MBTPS1: variants seen among roughly 807,000 people sequenced by gnomAD.
The protein encoded by MBTPS1 is membrane-bound transcription factor site-1 protease.
MBTPS1 carries 94 observed loss-of-function variants against 127.8 expected under a neutral mutation model. That is an observed-to-expected ratio of 0.74 (90% CI 0.62 to 0.87). The LOEUF (loss-of-function observed/expected upper bound fraction) is 0.87. MBTPS1 is among the 40% of genes least tolerant of loss of function. MBTPS1 has a pLI of 0.00. For missense variants in MBTPS1, 1,636 were observed against 1,353.2 expected (o/e 1.21, Z -3.28); for synonymous variants, 632 against 509.4 (o/e 1.24, Z -3.24).
intron 21 of MBTPS1, chr16:84,057,146 AAG>A (rs904404242): frequency 2.6e-5 from 4 of 152,366 alleles, no homozygotes; most frequent in African/African-American, 7.2e-5. Flanking sequence ...CTAGGCAGGC[AAG>A]AGAGAGACTC....
chr16:84,099,376 T>C (rs1184010907), intron 2 of MBTPS1, 66 bp from the exon 3 acceptor site: 3 of 1,492,184 alleles, frequency 2.0e-6, no homozygotes, highest in Non-Finnish European at 2.7e-6. Context: ...TACTATATTG[T>C]ATCTAATCTA....
At chr16:84,055,919 T>C in intron 22 of MBTPS1, 86 bp downstream of exon 22, 1 of 1,423,976 alleles carries the variant, frequency 7.0e-7, no homozygotes, top group Non-Finnish European at 9.4e-7. Context: ...AGGGAGAGTC[T>C]GGCCCGCCTC....
intron 10 of MBTPS1, among the ~76,000 whole-genome samples, chr16:84,084,417 G>C (rs1409281153): frequency 1.3e-5 from 2 of 152,188 alleles, no homozygotes; most frequent in Non-Finnish European, 2.9e-5. Flanking sequence ...TAAAAGGTGA[G>C]TCCCCTTCAC....
intron 2 of MBTPS1, among the ~76,000 whole-genome samples, chr16:84,100,999 C>CGA (rs1284005140): frequency 1.5e-5 from 1 of 68,568 alleles, no homozygotes. Flanking sequence ...ACTAAAAATA[C>CGA]AAAAAAAAAA....
chr16:84,077,917 C>G (rs2085885043), intron 11 of MBTPS1, among the ~76,000 whole-genome samples: 1 of 146,746 alleles, frequency 6.8e-6, no homozygotes, highest in South Asian at 2.2e-4. Flanking sequence ...AATGAACAGA[C>G]AATTCACAAG....
At chr16:84,060,542 T>C (rs1184030626) in intron 20 of MBTPS1, 140 bp downstream of exon 20, 3 of 920,438 alleles carry the variant, frequency 3.3e-6, no homozygotes, top group Non-Finnish European at 4.9e-6. Flanking sequence ...AGTGCTGCTC[T>C]ACCCGCAGCC....
intron 3 of MBTPS1, among the ~76,000 whole-genome samples, 164 bp downstream of exon 3, chr16:84,098,889 C>A (rs1223978492): frequency 6.6e-6 from 1 of 152,002 alleles, no homozygotes; most frequent in African/African-American, 2.4e-5. Context: ...ACCCTGCGCA[C>A]TAAACAAAAC....
intron 9 of MBTPS1, 54 bp from the exon 10 acceptor site, chr16:84,085,188 A>G: frequency 6.4e-7 from 1 of 1,556,488 alleles, no homozygotes; most frequent in South Asian, 1.1e-5. Flanking sequence ...ATACAGCCGC[A>G]TGCAATCATG....
At chr16:84,074,869 G>C (rs767864793) in intron 11 of MBTPS1, 128 bp from the exon 12 acceptor site, 1 of 790,408 alleles carries the variant, frequency 1.3e-6, no homozygotes, top group East Asian at 2.8e-5. Flanking sequence ...CGCTGCCCTA[G>C]GCTGGCATCT....
chr16:84,100,940 G>C (rs2086244690), intron 2 of MBTPS1, among the ~76,000 whole-genome samples: 1 of 149,214 alleles, frequency 6.7e-6, no homozygotes, highest in Non-Finnish European at 1.5e-5. Flanking sequence ...GATCACTTGA[G>C]GTCAGGAGTT....
chr16:84,065,914 T>A (rs946212472), intron 17 of MBTPS1, 147 bp from the exon 18 acceptor site: 7 of 522,230 alleles, frequency 1.3e-5, no homozygotes, highest in African/African-American at 2.0e-5. Flanking sequence ...TGCTATTGCC[T>A]TGTCACACAT....
intron 12 of MBTPS1, among the ~76,000 whole-genome samples, chr16:84,073,040 C>T (rs190703769): frequency 1.3e-5 from 2 of 152,184 alleles, no homozygotes; most frequent in Non-Finnish European, 2.9e-5. Context: ...TTGAAAACTA[C>T]CTAACAGTTC....
chr16:84,110,944 G>A (rs1232615404), intron 1 of MBTPS1: 1 of 152,248 alleles, frequency 6.6e-6, no homozygotes, highest in East Asian at 1.9e-4. Flanking sequence ...GCATAAACAA[G>A]GAGACTGGCT....
Position 84,056,076 on chromosome 16 carries a change from T to G in MBTPS1, c.2891A>C (p.Asn964Thr), listed in dbSNP as rs144657994. The G allele has an allele frequency of 1.2e-6, 2 of 1,613,950 alleles. No homozygotes were observed. ...SIDLDKVVLPNFRSNRPQVRP... is the reference protein window; with the variant it reads ...SIDLDKVVLPTFRSNRPQVRP... ...CACTTGAGGGCGATTCGATCGAAAG[T>G]TGGGTAACACCACCTTGTCCAGGTC... The change falls in exon 22 of 23, where the codon AAC becomes ACC. Residue 964 changes from asparagine (N) to threonine (T), a missense_variant. Transcript: ENST00000343411.
chr16:84,087,864 A>G (rs755308956), intron 8 of MBTPS1, among the ~76,000 whole-genome samples: 1 of 152,202 alleles, frequency 6.6e-6, no homozygotes, highest in African/African-American at 2.4e-5. Context: ...TTCCCAGCAC[A>G]TTCATCTTAA....
rs1474140456 is a variant in MBTPS1 at position 84,101,732 on chromosome 16, TCC to T, written c.50_51del (p.Gly17GlufsTer14). 1 of 1,614,052 alleles carries T rather than the reference TCC, an allele frequency of 6.2e-7. No homozygotes were observed. Among genetic ancestry groups the T allele is most frequent in the Non-Finnish European group, 8.5e-7 (1 of 1,180,024 alleles). ...WLLLLVVLLC[G>X]KKHLGDRLEK... ...TCCAGTCTGTCGCCCAGATGTTTCT[TCC>T]CACAGAGCAAAACCACGAGCAGAAG... On this transcript the variant is annotated frameshift_variant, in exon 2 of 23. Coordinates refer to ENST00000343411, the MANE Select transcript of MBTPS1 (RefSeq NM_003791.4). LOFTEE classifies it high-confidence loss of function.
intron 12 of MBTPS1, among the ~76,000 whole-genome samples, chr16:84,073,848 T>C (rs1461274770): frequency 2.6e-5 from 4 of 151,792 alleles, no homozygotes; most frequent in Non-Finnish European, 2.9e-5. Context: ...CCACTAAAAA[T>C]GCAAAAAATT....
chr16:84,106,555 C>T (rs1417444723), intron 1 of MBTPS1, among the ~76,000 whole-genome samples: 2 of 152,030 alleles, frequency 1.3e-5, no homozygotes, highest in Admixed American at 6.6e-5. Context: ...AAGAGGCCAG[C>T]GGGAAGCAAG....
At chr16:84,084,557 TTTG>T (rs150094363) in intron 10 of MBTPS1, among the ~76,000 whole-genome samples, 1,715 of 152,328 alleles carry the variant, frequency 0.011, 32 homozygotes, top group African/African-American at 0.039. Flanking sequence ...CGCAGTAGGA[TTTG>T]TTTTTTGTTT....
Sources: allele counts gnomAD v4.1 joint callset (sites outside exome capture counted in the v4.1 genomes callset), GRCh38; gene constraint gnomAD v4.1.1; transcripts MANE v1.5; gene names NCBI Gene and HGNC (gene_info 2026-07-23, HGNC 2026-07-21).